Variants in AFF3 observed in about 807,000 individuals in gnomAD.
AFF3 encodes the protein AF4/FMR2 family member 3.
AFF3 carries 32 observed loss-of-function variants against 129.7 expected under a neutral mutation model. The observed-to-expected ratio is 0.25, with a 90% confidence interval of 0.19 to 0.33. The LOEUF (loss-of-function observed/expected upper bound fraction) is 0.33, where lower values mean the gene tolerates loss of function less well. Ranked by LOEUF, AFF3 falls within the 10% of genes least tolerant of loss-of-function variation. The pLI, the probability that AFF3 is intolerant of heterozygous loss-of-function variation, is 1.00. For missense variants in AFF3, 1,373 were observed against 1,592.0 expected (o/e 0.86, Z 2.34); for synonymous variants, 644 against 635.4 (o/e 1.01, Z -0.20).
chr2:99,662,138 CA>C (rs113851551), intron 12 of AFF3, among the ~76,000 whole-genome samples: 3,049 of 136,208 alleles, frequency 0.022, 101 homozygotes, highest in African/African-American at 0.071. Context: ...GACTCTGTCT[CA>C]AAAAAAAAAA....
At chr2:99,801,892 C>T (rs1312704888) in intron 8 of AFF3, among the ~76,000 whole-genome samples, 2 of 152,210 alleles carry the variant, frequency 1.3e-5, no homozygotes, top group Non-Finnish European at 2.9e-5. Context: ...CCTTTTGCCA[C>T]TCTTCCCATA....
chr2:99,952,431 T>G (rs1040911305), intron 7 of AFF3, among the ~76,000 whole-genome samples: 18 of 152,126 alleles, frequency 1.2e-4, no homozygotes, highest in Non-Finnish European at 4.4e-5. Flanking sequence ...GGCATTTCTT[T>G]ACAGCAATGC....
chr2:99,857,659 T>C (rs570594169), intron 7 of AFF3, among the ~76,000 whole-genome samples: 43 of 152,320 alleles, frequency 2.8e-4, no homozygotes, highest in African/African-American at 1.0e-3. Flanking sequence ...CAACTTCCTG[T>C]GTCTGATGGT....
At chr2:99,810,221 G>A (rs779778830) in intron 8 of AFF3, among the ~76,000 whole-genome samples, 1 of 152,220 alleles carries the variant, frequency 6.6e-6, no homozygotes, top group Non-Finnish European at 1.5e-5. Context: ...GAAGTGGAAT[G>A]CTGTGGTTAT....
At chr2:99,907,318 T>C (rs1340883673) in intron 7 of AFF3, among the ~76,000 whole-genome samples, 5 of 152,178 alleles carry the variant, frequency 3.3e-5, no homozygotes, top group Admixed American at 2.6e-4. Context: ...GTAATTTTAT[T>C]ATTTTATATA....
intron 13 of AFF3, among the ~76,000 whole-genome samples, chr2:99,620,728 T>A (rs1681916279): frequency 6.6e-6 from 1 of 152,194 alleles, no homozygotes. Context: ...TGGGGCCTAG[T>A]GGGAGGTGTT....
chr2:99,566,970 CTTTTTTTTTTTTTT>C (rs1359589176), intron 19 of AFF3, among the ~76,000 whole-genome samples: 2 of 140,854 alleles, frequency 1.4e-5, no homozygotes, highest in African/African-American at 5.2e-5. Flanking sequence ...TTTCTTTTTT[CTTTTTTTTTTTTTT>C]GGAGACAGGG....
Position 99,669,132 on chromosome 2 carries a change from C to T in AFF3, c.1143+3406G>A, listed in dbSNP as rs924175793. 3.3e-5 allele frequency among the ~76,000 whole-genome samples: 5 copies of T among 152,250 alleles called. No individual in the cohort carries two copies. In the East Asian group the frequency reaches 9.6e-4, roughly 29 times the overall value. ...TTTGAGATAATTTACTAAAGTTGAA[C>T]ATGCACATACCCTACTGCTCAGCAT... On this transcript the variant is annotated intron_variant, in intron 12 of 24. Coordinates refer to ENST00000672756, the MANE Select transcript of AFF3 (RefSeq NM_001386135.1).
At chr2:100,106,025 T>C (rs1163940113) in intron 2 of AFF3, 1 of 1,320,676 alleles carries the variant, frequency 7.6e-7, no homozygotes, top group Non-Finnish European at 1.0e-6. Context: ...AGAGTCATCC[T>C]CTCACCTCAC....
At chr2:99,828,086 T>C (rs1046234797) in intron 8 of AFF3, among the ~76,000 whole-genome samples, 1 of 152,090 alleles carries the variant, frequency 6.6e-6, no homozygotes. Context: ...AAAACCTTAC[T>C]CTGTGTATAA....
chr2:99,965,184 GACATATAAGACT>G (rs1222786418), intron 7 of AFF3, among the ~76,000 whole-genome samples: 1 of 152,188 alleles, frequency 6.6e-6, no homozygotes, highest in Non-Finnish European at 1.5e-5. Context: ...ATGATTGTTA[GACATATAAGACT>G]AGATTATAAG....
At chr2:99,919,118 T>A (rs1373098779) in intron 7 of AFF3, among the ~76,000 whole-genome samples, 1 of 152,148 alleles carries the variant, frequency 6.6e-6, no homozygotes, top group Admixed American at 6.6e-5. Flanking sequence ...TAGTACAGAA[T>A]CATCTCCCTC....
chr2:99,694,180 G>T (rs1017188292), intron 11 of AFF3, among the ~76,000 whole-genome samples: 17 of 152,162 alleles, frequency 1.1e-4, no homozygotes, highest in African/African-American at 3.4e-4. Context: ...TTACAAGTGT[G>T]AGCCACCGCG....
chr2:99,639,752 A>G (rs1210952921), intron 13 of AFF3, among the ~76,000 whole-genome samples: 1 of 150,732 alleles, frequency 6.6e-6, no homozygotes, highest in Admixed American at 6.6e-5. Flanking sequence ...ATGGAGTGCA[A>G]TCTCGGCTCA....
intron 7 of AFF3, among the ~76,000 whole-genome samples, chr2:99,838,694 C>G (rs1689082215): frequency 2.0e-5 from 3 of 149,676 alleles, no homozygotes. Flanking sequence ...CAGCACCGTG[C>G]TCCACACAGC....
At chr2:99,555,613 T>C (rs558196963) in intron 22 of AFF3, among the ~76,000 whole-genome samples, 1 of 152,324 alleles carries the variant, frequency 6.6e-6, no homozygotes, top group Admixed American at 6.5e-5. Flanking sequence ...ATTTCCCCTC[T>C]GAGAACCCAA....
At chr2:99,934,773 G>A (rs1674373902) in intron 7 of AFF3, among the ~76,000 whole-genome samples, 1 of 152,204 alleles carries the variant, frequency 6.6e-6, no homozygotes, top group Non-Finnish European at 1.5e-5. Context: ...TCGGGGAGAA[G>A]AATGGGTGCA....
At chr2:99,986,201 A>AAATAATAAT (rs35535526) in intron 7 of AFF3, among the ~76,000 whole-genome samples, 1,732 of 137,078 alleles carry the variant, frequency 0.013, 18 homozygotes, top group South Asian at 0.037. Context: ...ACTTCATCTC[A>AAATAATAAT]AATAATAATA....
intron 18 of AFF3, among the ~76,000 whole-genome samples, chr2:99,575,701 A>C (rs1413869950): frequency 2.0e-5 from 3 of 152,312 alleles, no homozygotes; most frequent in Admixed American, 2.0e-4. Flanking sequence ...TGCGACATCT[A>C]TCTCTCCATA....
Sources: allele counts gnomAD v4.1 joint callset (sites outside exome capture counted in the v4.1 genomes callset), GRCh38; gene constraint gnomAD v4.1.1; transcripts MANE v1.5; gene names NCBI Gene and HGNC (gene_info 2026-07-23, HGNC 2026-07-21).